TTPA: variants seen among roughly 807,000 people sequenced by gnomAD.
TTPA encodes alpha-tocopherol transfer protein.
A neutral mutation model predicts 25.9 loss-of-function variants in TTPA; 23 were observed. The ratio of observed to expected loss-of-function variants is 0.89; its 90% CI spans 0.64 to 1.26. TTPA has a LOEUF of 1.26. Among genes scored for constraint, TTPA ranks in the 50% most tolerant of loss-of-function variants. The pLI is 0.00. For synonymous variants in TTPA, 148 were observed against 137.3 expected, an observed-to-expected ratio of 1.08 and a Z score of -0.54; for missense variants, 337 against 353.1, an observed-to-expected ratio of 0.95 and a Z score of 0.37.
chr8:63,070,455 C>A (rs1474414195), intron 2 of TTPA, among the ~76,000 whole-genome samples: 1 of 152,120 alleles, frequency 6.6e-6, no homozygotes, highest in East Asian at 1.9e-4. Context: ...CCCATTAATT[C>A]AATCAAATTT....
chr8:63,066,209 T>C (rs1446226978), intron 2 of TTPA, 112 bp from the exon 3 acceptor site: 1 of 1,103,598 alleles, frequency 9.1e-7, no homozygotes, highest in African/African-American at 1.6e-5. Flanking sequence ...TAAAAACATC[T>C]ACAAAGATCA....
chr8:63,082,342 T>TCTA (rs1229093101), intron 1 of TTPA, among the ~76,000 whole-genome samples: 22 of 151,952 alleles, frequency 1.4e-4, no homozygotes, highest in Non-Finnish European at 4.4e-5. Flanking sequence ...ACACCACACA[T>TCTA]CTACAACCAT....
Position 63,073,063 on chromosome 8 carries a change from C to CAA in TTPA, c.229_230insTT (p.Arg77IlefsTer8). On this transcript the variant is annotated frameshift_variant, in exon 2 of 5. Transcript: ENST00000260116. LOFTEE classifies it high-confidence loss of function. ...TGCACTTATTTCTGGACATTCTGCT[C>CAA]TCCACTTATAATAGTTTTTTAGTAA... 2 of 1,553,960 alleles carry CAA rather than the reference C, an allele frequency of 1.3e-6. No individual in the cohort carries two copies. Among genetic ancestry groups the CAA allele is most frequent in the Non-Finnish European group, 8.7e-7 (1 of 1,147,274 alleles).
intron 3 of TTPA, among the ~76,000 whole-genome samples, chr8:63,064,891 T>G (rs1337581947): frequency 6.6e-6 from 1 of 152,180 alleles, no homozygotes; most frequent in Non-Finnish European, 1.5e-5. Flanking sequence ...TTCTTTTATT[T>G]TTTCCATGCA....
rs958888424 is a variant in TTPA, at chr8:63,059,760, T to A, written c.*1492A>T. The A allele has an allele frequency of 6.6e-6, 1 of 152,106 alleles. No individual in the cohort carries two copies. Among genetic ancestry groups the A allele is most frequent in the African/African-American group, 2.4e-5 (1 of 41,436 alleles). The allele number at this position is 152,106 out of a possible 1,614,324, so 9.4% of individuals were successfully genotyped here. ...TAAACTGCAGTAGAAACAGTACATC[T>A]TTACCGGTTATTTATTTATTTATTT... is the stretch of plus-strand genomic sequence containing the variant. On this transcript the variant is annotated 3_prime_UTR_variant, in exon 5 of 5. Transcript: ENST00000260116.
At chr8:63,073,985 T>C (rs555386902) in intron 1 of TTPA, among the ~76,000 whole-genome samples, 40 of 152,272 alleles carry the variant, frequency 2.6e-4, no homozygotes, top group Middle Eastern at 3.4e-3. Context: ...AAGCAAATTA[T>C]GTATTTAAAA....
downstream of TTPA, among the ~76,000 whole-genome samples, chr8:63,059,462 G>T (rs543160605): frequency 6.6e-6 from 1 of 152,064 alleles, no homozygotes; most frequent in Admixed American, 6.5e-5. Context: ...ATAATCCTAA[G>T]TATCAGCTCA....
rs1415656556 is a variant in TTPA at position 63,064,249 on chromosome 8, A to G, written c.620T>C (p.Phe207Ser). The G allele has an allele frequency of 6.2e-7, 1 of 1,613,314 alleles. No homozygotes were observed. ...INEPVIFHAV[F>S]SMIKPFLTEK... ...AGTCAGGAATGGTTTGATCATGGAA[A>G]AGACAGCATGGAAAATTACTGGTTC... Residue 207 changes from phenylalanine to serine, a missense_variant, in exon 4 of 5, where the codon TTT becomes TCT. Transcript: ENST00000260116.
chr8:63,070,779 C>A (rs1805470813), intron 2 of TTPA, among the ~76,000 whole-genome samples: 1 of 152,134 alleles, frequency 6.6e-6, no homozygotes, highest in African/African-American at 2.4e-5. Flanking sequence ...AAACTAGACA[C>A]AATAAAATCT....
At chr8:63,084,681 T>C (rs1805719432) in intron 1 of TTPA, among the ~76,000 whole-genome samples, 1 of 152,232 alleles carries the variant, frequency 6.6e-6, no homozygotes, top group South Asian at 2.1e-4. Context: ...CCTCTGGGTA[T>C]GTGACTGACA....
intron 3 of TTPA, among the ~76,000 whole-genome samples, chr8:63,065,681 G>A (rs567127205): frequency 6.6e-5 from 10 of 152,062 alleles, no homozygotes; most frequent in Admixed American, 1.3e-4. Flanking sequence ...AAATCCTCTC[G>A]TTACTAATTT....
At chr8:63,073,456 A>C (rs904999633) in intron 1 of TTPA, among the ~76,000 whole-genome samples, 2 of 152,174 alleles carry the variant, frequency 1.3e-5, no homozygotes, top group Non-Finnish European at 2.9e-5. Flanking sequence ...ATCTAATATC[A>C]ACTGGCAGAA....
rs573070621 is a variant in TTPA at position 63,085,938 on chromosome 8, C to G, written c.84G>C (p.Leu28=). ...PDHSPLLQPG[L]AALRRRAREA... ...CCCGGGCCCGGCGCCGCAGCGCCGC[C>G]AGGCCCGGCTGCAGCAACGGAGAGT... The change falls in exon 1 of 5, where the codon CTG becomes CTC. Residue 28 remains leucine, a synonymous_variant. Transcript: ENST00000260116. The G allele has an allele frequency of 2.0e-5, 30 of 1,520,550 alleles. No homozygotes were observed. Among genetic ancestry groups the G allele is most frequent in the Non-Finnish European group, 2.4e-5 (27 of 1,141,316 alleles). The allele number at this position is 1,520,550 out of a possible 1,614,324, so 94.2% of individuals were successfully genotyped here. A position where few individuals can be genotyped will look rare whatever the true frequency, so the allele number is the denominator to read the frequency against.
At chr8:63,076,445 A>G (rs537061048) in intron 1 of TTPA, among the ~76,000 whole-genome samples, 1 of 152,096 alleles carries the variant, frequency 6.6e-6, no homozygotes, top group Non-Finnish European at 1.5e-5. Context: ...AAAGTTTTGC[A>G]CTCTTACCCT....
At chr8:63,073,483 C>A (rs1805514633) in intron 1 of TTPA, among the ~76,000 whole-genome samples, 1 of 152,146 alleles carries the variant, frequency 6.6e-6, no homozygotes, top group African/African-American at 2.4e-5. Context: ...CTGTGTGGGC[C>A]AAGCTTTAAG....
intron 1 of TTPA, among the ~76,000 whole-genome samples, chr8:63,079,744 A>G (rs970098134): frequency 3.5e-4 from 54 of 152,286 alleles, no homozygotes; most frequent in African/African-American, 1.2e-3. Flanking sequence ...CCCCACTGTC[A>G]ATATTAGACA....
chr8:63,065,527 GA>G (rs201507615), intron 3 of TTPA, among the ~76,000 whole-genome samples: 2,706 of 151,148 alleles, frequency 0.018, 77 homozygotes, highest in African/African-American at 0.062. Context: ...AAACCTTTTG[GA>G]AAAAAAAGAT....
chr8:63,058,490 T>C (rs1754722875), downstream of TTPA, among the ~76,000 whole-genome samples: 1 of 152,238 alleles, frequency 6.6e-6, no homozygotes. Context: ...AATGAGCACA[T>C]AATACAGTTA....
At position 63,059,860 on chromosome 8, in the gene TTPA, A is replaced by G. The variant is rs1316715276; in HGVS notation, c.*1392T>C. On this transcript the variant is annotated 3_prime_UTR_variant, in exon 5 of 5. Coordinates refer to ENST00000260116, the MANE Select transcript of TTPA (RefSeq NM_000370.3). ...GAACATCACACACCGGGGCCTATTT[A>G]TTTATTTTTGAAATAGAGACAGGGT... 1 of 151,822 alleles carries G rather than the reference A, an allele frequency of 6.6e-6. No homozygotes were observed. The highest frequency in any genetic ancestry group is 1.5e-5 in the Non-Finnish European group (1 of 67,946). 9.4% of individuals were successfully genotyped at this position (151,822 alleles called of 1,614,324 possible).
Sources: allele counts gnomAD v4.1 joint callset (sites outside exome capture counted in the v4.1 genomes callset), GRCh38; gene constraint gnomAD v4.1.1; transcripts MANE v1.5; gene names NCBI Gene and HGNC (gene_info 2026-07-23, HGNC 2026-07-21).